The following MGMT variants were observed in gnomAD, a reference collection of about 807,000 sequenced individuals.
MGMT encodes methylated-DNA--protein-cysteine methyltransferase.
MGMT carries 14 observed loss-of-function variants against 15.9 expected under a neutral mutation model. The observed-to-expected ratio is 0.88, with a 90% CI of 0.58 to 1.37. The LOEUF (loss-of-function observed/expected upper bound fraction) is 1.37, where lower values mean the gene tolerates loss of function less well. MGMT is among the 40% of genes most tolerant of loss of function. The probability of loss-of-function intolerance (pLI) is 0.00; values close to 1 mark genes in which losing one functional copy is unlikely to be tolerated. For synonymous variants in MGMT, 130 were observed against 118.2 expected, an observed-to-expected ratio of 1.10 and a Z score of -0.65; for missense variants, 282 against 268.1, an observed-to-expected ratio of 1.05 and a Z score of -0.36.
rs535400687 is a variant in MGMT at position 129,634,793 on chromosome 10, T to C, written c.126-73102T>C. ...CTGCTAATCTTAACATCTGAGTTAG[T>C]TTTAGGTCCATTTCAATTGACTGGT... On this transcript the variant is annotated intron_variant, in intron 2 of 4. Coordinates refer to ENST00000651593, the MANE Select transcript of MGMT (RefSeq NM_002412.5). Among the ~76,000 whole-genome samples the C allele has an allele frequency of 2.0e-5, 3 of 152,278 alleles. No individual in the cohort carries two copies. In the East Asian group the frequency reaches 5.8e-4, roughly 29 times the overall value.
At position 129,524,875 on chromosome 10, in the gene MGMT, C is replaced by T. The variant is rs143067472; in HGVS notation, c.-12-11366C>T. On this transcript the variant is annotated intron_variant, in intron 1 of 4. Coordinates refer to ENST00000651593, the MANE Select transcript of MGMT (RefSeq NM_002412.5). ...AAAGTGCTGGGATTACAGTTGTGAG[C>T]CACCGCACCCGGCCCCAGAAAGACG... Among the ~76,000 whole-genome samples the T allele has an allele frequency of 2.7e-3, 404 of 152,216 alleles. 4 individuals carry two copies. Among genetic ancestry groups the T allele is most frequent in the African/African-American group, 9.3e-3 (387 of 41,544 alleles).
chr10:129,592,801 CT>C (rs56012994), intron 2 of MGMT, among the ~76,000 whole-genome samples: 7,145 of 146,836 alleles, frequency 0.049, 229 homozygotes, highest in Non-Finnish European at 0.075. Context: ...TTAATTAATC[CT>C]TTTTTTTTTT....
At chr10:129,595,707 C>T in intron 2 of MGMT, among the ~76,000 whole-genome samples, 1 of 152,258 alleles carries the variant, frequency 6.6e-6, no homozygotes, top group Middle Eastern at 3.4e-3. Context: ...AGATGCTCAG[C>T]TTTCCAGGTG....
At chr10:129,592,563 C>CT (rs1210381039) in intron 2 of MGMT, among the ~76,000 whole-genome samples, 2 of 152,150 alleles carry the variant, frequency 1.3e-5, no homozygotes, top group Non-Finnish European at 2.9e-5. Context: ...ATTCGGAAGG[C>CT]TTCAGGGTCC....
chr10:129,476,441 G>A (rs917337831), intron 1 of MGMT, among the ~76,000 whole-genome samples: 4 of 152,116 alleles, frequency 2.6e-5, no homozygotes, highest in Non-Finnish European at 5.9e-5. Flanking sequence ...TGCAGCAGAC[G>A]GCTTCTTGGA....
At chr10:129,633,212 C>T (rs1205674106) in intron 2 of MGMT, among the ~76,000 whole-genome samples, 2 of 152,216 alleles carry the variant, frequency 1.3e-5, no homozygotes, top group Non-Finnish European at 2.9e-5. Flanking sequence ...ATAGAAAAAA[C>T]GTTATACCTT....
At chr10:129,730,031 T>C (rs1017654446) in intron 3 of MGMT, among the ~76,000 whole-genome samples, 5 of 152,192 alleles carry the variant, frequency 3.3e-5, no homozygotes, top group Admixed American at 6.5e-5. Flanking sequence ...TTTAGCCTTG[T>C]AGAAGCAGCG....
chr10:129,744,416 G>A (rs1848670335), intron 3 of MGMT, among the ~76,000 whole-genome samples: 1 of 152,228 alleles, frequency 6.6e-6, no homozygotes, highest in African/African-American at 2.4e-5. Context: ...CCTGCCTTCG[G>A]AGTGAGCAAG....
chr10:129,738,549 C>A (rs1848593602), intron 3 of MGMT, among the ~76,000 whole-genome samples: 1 of 152,266 alleles, frequency 6.6e-6, no homozygotes, highest in South Asian at 2.1e-4. Flanking sequence ...TAGACCAGAG[C>A]TGTTCCTATT....
intron 2 of MGMT, among the ~76,000 whole-genome samples, chr10:129,598,486 C>G (rs1564864222): frequency 6.6e-6 from 1 of 152,134 alleles, no homozygotes; most frequent in African/African-American, 2.4e-5. Context: ...CTTGGTGGCC[C>G]ACACTCCCCT....
At chr10:129,509,098 G>A (rs1020952750) in intron 1 of MGMT, among the ~76,000 whole-genome samples, 2 of 152,162 alleles carry the variant, frequency 1.3e-5, no homozygotes, top group African/African-American at 4.8e-5. Context: ...GAAGCCAAGA[G>A]CCCTTGCCAT....
intron 1 of MGMT, among the ~76,000 whole-genome samples, chr10:129,494,004 G>C (rs1271311633): frequency 6.6e-6 from 1 of 152,134 alleles, no homozygotes; most frequent in Non-Finnish European, 1.5e-5. Context: ...TTTTGGAGAT[G>C]GCATAGTGTC....
chr10:129,626,453 A>G (rs1847150690), intron 2 of MGMT, among the ~76,000 whole-genome samples: 1 of 152,104 alleles, frequency 6.6e-6, no homozygotes, highest in Admixed American at 6.5e-5. Context: ...GGTGATTGGA[A>G]TGTTTCTCCC....
At chr10:129,716,207 T>G (rs1318870200) in intron 3 of MGMT, among the ~76,000 whole-genome samples, 2 of 152,222 alleles carry the variant, frequency 1.3e-5, no homozygotes, top group Non-Finnish European at 1.5e-5. Flanking sequence ...GGATCAGGCC[T>G]TCTCTGCCCT....
intron 1 of MGMT, among the ~76,000 whole-genome samples, chr10:129,529,578 G>A (rs1490452050): frequency 2.0e-5 from 3 of 152,186 alleles, no homozygotes; most frequent in Non-Finnish European, 4.4e-5. Context: ...ATATCCACAG[G>A]AAGTGTTTTC....
intron 4 of MGMT, among the ~76,000 whole-genome samples, chr10:129,762,426 C>A (rs1167053454): frequency 3.3e-5 from 5 of 152,122 alleles, no homozygotes; most frequent in Non-Finnish European, 2.9e-5. Flanking sequence ...TTTTGCCATG[C>A]GGAGCTTTCC....
intron 2 of MGMT, among the ~76,000 whole-genome samples, chr10:129,561,388 C>G (rs762316238): frequency 6.6e-6 from 1 of 152,210 alleles, no homozygotes; most frequent in East Asian, 1.9e-4. Flanking sequence ...CCATTCCACA[C>G]GAGACCCCAG....
chr10:129,704,542 C>T (rs1292964532), intron 2 of MGMT, among the ~76,000 whole-genome samples: 1 of 152,076 alleles, frequency 6.6e-6, no homozygotes, highest in Non-Finnish European at 1.5e-5. Context: ...GCCGCAGTGT[C>T]CACGGGGTCA....
Position 129,767,224 on chromosome 10 carries a change from TA to T in MGMT, c.*231del, listed in dbSNP as rs1013652303. Reference sequence around the variant, plus strand: ...CCCTTGCTCTATTTTTCATGTCCATTAAAACAGGCCAAGTGAGTGTGGAAGG... The same window carrying T: ...CCCTTGCTCTATTTTTCATGTCCATTAAACAGGCCAAGTGAGTGTGGAAGG... On this transcript the variant is annotated 3_prime_UTR_variant, in exon 5 of 5. Transcript: ENST00000651593. The T allele has an allele frequency of 2.5e-4, 115 of 451,048 alleles. No homozygotes were observed. The highest frequency in any genetic ancestry group is 2.0e-3 in the African/African-American group (100 of 49,604). The allele number at this position is 451,048 out of a possible 1,614,324, so 27.9% of individuals were successfully genotyped here.
Sources: allele counts gnomAD v4.1 joint callset (sites outside exome capture counted in the v4.1 genomes callset), GRCh38; gene constraint gnomAD v4.1.1; transcripts MANE v1.5; gene names NCBI Gene and HGNC (gene_info 2026-07-23, HGNC 2026-07-21).